The following CRCP variants were observed in gnomAD, a reference collection of about 807,000 sequenced individuals.
CRCP encodes the protein CGRP receptor component, also known as DNA-directed RNA polymerase III subunit RPC9.
Under a neutral mutation model 18.5 loss-of-function variants are expected in CRCP, and 18 were observed. That is an observed-to-expected ratio of 0.97 (90% CI 0.67 to 1.44). The LOEUF (loss-of-function observed/expected upper bound fraction) is 1.44. CRCP is among the 40% of genes most tolerant of loss of function. The pLI is 0.00. For synonymous variants in CRCP, 53 were observed against 62.9 expected, an observed-to-expected ratio of 0.84 and a Z score of 0.75; for missense variants, 130 against 176.4, an observed-to-expected ratio of 0.74 and a Z score of 1.49.
chr7:66,139,515 G>T (rs1163845174), intron 4 of CRCP, among the ~76,000 whole-genome samples: 9 of 152,294 alleles, frequency 5.9e-5, no homozygotes, highest in Admixed American at 3.9e-4. Flanking sequence ...CGTGGTCGAG[G>T]TAATTGTAGA....
At chr7:66,123,012 T>G (rs1787496084) in intron 1 of CRCP, among the ~76,000 whole-genome samples, 1 of 150,616 alleles carries the variant, frequency 6.6e-6, no homozygotes, top group Admixed American at 6.7e-5. Context: ...TGGAGTGCAG[T>G]AGCCCCATCT....
At chr7:66,129,156 AC>A (rs548005415) in intron 2 of CRCP, among the ~76,000 whole-genome samples, 1 of 151,952 alleles carries the variant, frequency 6.6e-6, no homozygotes, top group East Asian at 1.9e-4. Flanking sequence ...ACACGGTGAA[AC>A]CCCGTCTCTA....
intron 1 of CRCP, among the ~76,000 whole-genome samples, chr7:66,125,124 T>A (rs1787582399): frequency 6.7e-6 from 1 of 149,354 alleles, no homozygotes; most frequent in African/African-American, 2.4e-5. Context: ...TATATCCTCA[T>A]GGATAGATTT....
intron 5 of CRCP, among the ~76,000 whole-genome samples, chr7:66,146,301 G>A (rs1407056408): frequency 1.3e-5 from 2 of 152,126 alleles, no homozygotes; most frequent in Non-Finnish European, 2.9e-5. Context: ...GAGTAGAGGG[G>A]CCTACGATGG....
intron 5 of CRCP, among the ~76,000 whole-genome samples, chr7:66,148,099 C>T (rs771221857): frequency 1.1e-4 from 16 of 151,966 alleles, no homozygotes; most frequent in Admixed American, 1.3e-4. Flanking sequence ...CGGTGGCTCA[C>T]GCCTGTAATC....
rs1434923640 is a variant in CRCP, at chr7:66,126,702, A to G, written c.9-1002A>G. ...TTAAAATTTGTTGTCTCATTTTATC[A>G]TAACAGTTTGATGAGGTAGGAGTTG... On this transcript the variant is annotated intron_variant, in intron 1 of 5. Transcript: ENST00000395326. The G allele has an allele frequency of 4.6e-5, 19 of 409,440 alleles. 1 individual carries two copies. The highest frequency in any genetic ancestry group is 2.4e-4 in the Admixed American group (9 of 36,752). The allele number at this position is 409,440 out of a possible 1,614,324, so 25.4% of individuals were successfully genotyped here.
chr7:66,147,591 G>C (rs1346885722), intron 5 of CRCP, among the ~76,000 whole-genome samples: 1 of 152,176 alleles, frequency 6.6e-6, no homozygotes, highest in Non-Finnish European at 1.5e-5. Flanking sequence ...CATCCCCTGA[G>C]ATGGTTTCCT....
At chr7:66,149,459 CAGTA>C (rs1387275306) in intron 5 of CRCP, among the ~76,000 whole-genome samples, 1 of 152,102 alleles carries the variant, frequency 6.6e-6, no homozygotes, top group Non-Finnish European at 1.5e-5. Flanking sequence ...TTTGAGACTG[CAGTA>C]AGTGATGATT....
At chr7:66,133,005 C>T (rs1444494337) in intron 3 of CRCP, among the ~76,000 whole-genome samples, 2 of 152,076 alleles carry the variant, frequency 1.3e-5, no homozygotes, top group African/African-American at 4.8e-5. Context: ...AGCTTCACCT[C>T]TTGAAGGGAG....
chr7:66,150,079 T>C (rs554664597), intron 5 of CRCP, among the ~76,000 whole-genome samples: 2 of 151,656 alleles, frequency 1.3e-5, no homozygotes, highest in African/African-American at 2.4e-5. Context: ...GTGCTGGGAT[T>C]ACAGGCGTGA....
intron 4 of CRCP, among the ~76,000 whole-genome samples, chr7:66,143,851 T>C (rs316328): frequency 0.77 from 117,277 of 152,092 alleles, 45,449 homozygotes; most frequent in African/African-American, 0.83. Context: ...TAAATGGTAG[T>C]GGCGGCCTCT....
In CRCP at chr7:66,133,275, G is replaced by T. The variant is rs1400639619; in HGVS notation, c.145-1005G>T. Among the ~76,000 whole-genome samples, 3 of 152,106 alleles carry T rather than the reference G, an allele frequency of 2.0e-5. 1 individual carries two copies. The highest frequency in any genetic ancestry group is 4.8e-5 in the African/African-American group (2 of 41,424). On this transcript the variant is annotated intron_variant, in intron 3 of 5. Coordinates refer to ENST00000395326, the MANE Select transcript of CRCP (RefSeq NM_014478.5). ...AATCCCAGCACTTTCGGAGGCCGAG[G>T]CGGGTGGATCACGAGGTCAGGAGAT...
In CRCP at chr7:66,134,326, A is replaced by C; in HGVS notation, c.191A>C (p.Glu64Ala). 3.7e-6 allele frequency: 6 copies of C among 1,611,286 alleles called. No homozygotes were observed. The highest frequency in any genetic ancestry group is 5.1e-6 in the Non-Finnish European group (6 of 1,179,370). ...SKTPCRHQSP[E>A]IVREFLTALK... ...ACACCATGCAGGCACCAGAGTCCTG[A>C]AATTGTCAGAGAATTTCTCACAGCA... is the stretch of plus-strand genomic sequence containing the variant. The change falls in exon 4 of 6, where the codon GAA becomes GCA. Residue 64 changes from glutamate (E) to alanine (A), a missense_variant. Coordinates refer to ENST00000395326, the MANE Select transcript of CRCP (RefSeq NM_014478.5).
intron 3 of CRCP, among the ~76,000 whole-genome samples, chr7:66,132,505 G>A (rs938770676): frequency 6.6e-6 from 1 of 152,154 alleles, no homozygotes; most frequent in Admixed American, 6.6e-5. Flanking sequence ...ATTTCTGGGG[G>A]TACATGATAT....
Position 66,152,240 on chromosome 7 carries a change from G to A in CRCP, c.330G>A (p.Glu110=). The change falls in exon 6 of 6, where the codon GAG becomes GAA. Residue 110 remains glutamate (E), a synonymous_variant. Transcript: ENST00000395326. ...MVEESEERLT[E]EQIEALLHTV... ...AAGAGAGTGAAGAGCGGCTCACGGA[G>A]GAGCAGATTGAAGCTCTTCTCCACA... is the stretch of plus-strand genomic sequence containing the variant. The A allele has an allele frequency of 1.2e-6, 2 of 1,614,162 alleles. No homozygotes were observed. Among genetic ancestry groups the A allele is most frequent in the South Asian group, 1.1e-5 (1 of 91,084 alleles).
At chr7:66,148,354 C>T (rs1408471484) in intron 5 of CRCP, among the ~76,000 whole-genome samples, 5 of 152,084 alleles carry the variant, frequency 3.3e-5, no homozygotes, top group African/African-American at 9.7e-5. Flanking sequence ...GCGACAAGAG[C>T]GAAACTCCTT....
chr7:66,145,259 G>C (rs1788259046), intron 4 of CRCP, among the ~76,000 whole-genome samples, 184 bp from the exon 5 acceptor site: 1 of 152,166 alleles, frequency 6.6e-6, no homozygotes, highest in Non-Finnish European at 1.5e-5. Flanking sequence ...TTCGTACCGT[G>C]GGCTGGGAGT....
At chr7:66,117,577 A>C (rs1438858678) in intron 1 of CRCP, among the ~76,000 whole-genome samples, 3 of 152,098 alleles carry the variant, frequency 2.0e-5, no homozygotes, top group African/African-American at 7.2e-5. Context: ...ACCATCTCCA[A>C]TGTTAGCTTT....
At position 66,148,310 on chromosome 7, in the gene CRCP, G is replaced by A. The variant is rs28503179; in HGVS notation, c.297+2810G>A. ...CTGGGAGGCGGAAGTTGTAGTGAGC[G>A]AAGTGTAGTGAGCGTGACTGCACTC... On this transcript the variant is annotated intron_variant, in intron 5 of 5. Transcript: ENST00000395326. Among the ~76,000 whole-genome samples the A allele has an allele frequency of 2.2e-3, 337 of 152,208 alleles. 2 individuals are homozygous for A. Among genetic ancestry groups the A allele is most frequent in the African/African-American group, 4.1e-3 (169 of 41,550 alleles).
Sources: gnomAD v4.1 joint callset for allele counts (sites outside exome capture counted in the v4.1 genomes callset) on GRCh38, gnomAD v4.1.1 for gene constraint, MANE v1.5 for transcripts, NCBI Gene and HGNC (gene_info 2026-07-23, HGNC 2026-07-21) for gene names.